POLR1E: variants seen among roughly 807,000 people sequenced by gnomAD.
The protein encoded by POLR1E is DNA-directed RNA polymerase I subunit RPA49.
POLR1E carries 37 observed loss-of-function variants against 50.9 expected under a neutral mutation model. The observed-to-expected ratio is 0.73, with a 90% confidence interval of 0.56 to 0.96. POLR1E has a LOEUF of 0.96. POLR1E is among the 40% of genes least tolerant of loss of function. The pLI is 0.00. For missense variants in POLR1E, 426 were observed against 518.1 expected (o/e 0.82, Z 1.73); for synonymous variants, 166 against 191.6 (o/e 0.87, Z 1.10).
chr9:37,498,288 G>T, intron 9 of POLR1E, 64 bp downstream of exon 9: 2 of 1,478,580 alleles, frequency 1.4e-6, no homozygotes, highest in Non-Finnish European at 1.8e-6. Context: ...GTAATTCTTA[G>T]ATGAGTTCTG....
At chr9:37,486,642 A>AT (rs752849163) in intron 1 of POLR1E, 61 bp from the exon 2 acceptor site, 1 of 1,605,618 alleles carries the variant, frequency 6.2e-7, no homozygotes, top group South Asian at 1.1e-5. Flanking sequence ...CCCACCGTAC[A>AT]TTGTGTGGTA....
rs1456648809 is a variant in POLR1E, at chr9:37,492,673, T to C, written c.360T>C (p.Ser120=). 6.2e-7 allele frequency: 1 copy of C among 1,613,884 alleles called. No homozygotes were observed. Among genetic ancestry groups the C allele is most frequent in the African/African-American group, 1.3e-5 (1 of 74,918 alleles). The change falls in exon 5 of 12, where the codon AGT becomes AGC. Residue 120 remains serine (S), a synonymous_variant. Transcript: ENST00000377798. ...QPLFSDVSVE[S]ELALESQTKT... ...TTTTGATAGATGTATCAGTTGAGAGTGAACTGGCGCTAGAGAGTCAGACCA... is the reference window on the plus strand; with the variant it reads ...TTTTGATAGATGTATCAGTTGAGAGCGAACTGGCGCTAGAGAGTCAGACCA...
chr9:37,486,854 G>A, intron 2 of POLR1E, 48 bp downstream of exon 2: 2 of 1,557,858 alleles, frequency 1.3e-6, no homozygotes, highest in Non-Finnish European at 8.6e-7. Context: ...GGCTCAGAAG[G>A]CCCCTGGGAG....
At position 37,495,112 on chromosome 9, in the gene POLR1E, A is replaced by G. The variant is rs1273072412; in HGVS notation, c.548-57A>G. On this transcript the variant is annotated intron_variant, in intron 6 of 11. Coordinates refer to ENST00000377798, the MANE Select transcript of POLR1E (RefSeq NM_022490.4). ...GTCTGAAGTGCACAGACTGAAAAGAATGTTGGGGAACTGGAAACAAACAGG... is the reference window on the plus strand; with the variant it reads ...GTCTGAAGTGCACAGACTGAAAAGAGTGTTGGGGAACTGGAAACAAACAGG... 6 of 1,404,406 alleles carry G rather than the reference A, an allele frequency of 4.3e-6. No homozygotes were observed. The East Asian group carries it at 1.4e-4, about 32-fold the overall frequency. The allele number at this position is 1,404,406 out of a possible 1,614,324, so 87.0% of individuals were successfully genotyped here.
rs760225628 is a variant in POLR1E at position 37,503,038 on chromosome 9, C to T, written c.1101-5C>T. The T allele has an allele frequency of 1.1e-5, 17 of 1,609,038 alleles. No homozygotes were observed. The highest frequency in any genetic ancestry group is 1.0e-4 in the South Asian group (9 of 90,312). On this transcript the variant is annotated splice_region_variant and splice_polypyrimidine_tract_variant and intron_variant, in intron 11 of 11. Transcript: ENST00000377798. Reference sequence around the variant, plus strand: ...CTCCAGTTCTTCTGTTTATGTCTTCCTTAGGATGATGGAGATAGCCAAAGC... The same window carrying T: ...CTCCAGTTCTTCTGTTTATGTCTTCTTTAGGATGATGGAGATAGCCAAAGC...
chr9:37,487,904 T>C lies in POLR1E; in HGVS notation c.222T>C (p.Phe74=), dbSNP rs16934141. The change falls in exon 3 of 12, where the codon TTT becomes TTC. Residue 74 remains phenylalanine (F), a synonymous_variant. Coordinates refer to ENST00000377798, the MANE Select transcript of POLR1E (RefSeq NM_022490.4). ...GGCTCTCCTATGTGGGAAACAATTT[T>C]GGGACTGGAGCCCTCAAATGCAACA... ...TDRLSYVGNN[F]GTGALKCNTL... 15,201 of 1,614,176 alleles carry C rather than the reference T, an allele frequency of 9.4e-3. 1,157 individuals carry two copies. The African/African-American group carries it at 0.17, about 18-fold the overall frequency.
Position 37,493,701 on chromosome 9 carries a change from C to A in POLR1E, c.545C>A (p.Thr182Asn). The A allele has an allele frequency of 6.5e-7, 1 of 1,536,802 alleles. No homozygotes were observed. The highest frequency in any genetic ancestry group is 8.8e-7 in the Non-Finnish European group (1 of 1,136,102). ...ACTATCATTGATACGAAGGGTGTGA[C>A]TGGTAAGAAGTTGGAACTTGGGCTA... Reference protein sequence around the residue: ...AETIIDTKGVTALVSDAIHND... With the variant: ...AETIIDTKGVNALVSDAIHND... The change falls in exon 6 of 12, where the codon ACT becomes AAT. Residue 182 changes from threonine (T) to asparagine (N), a missense_variant and splice_region_variant. By Grantham distance (65) the Thr-to-Asn change is moderately conservative. Transcript: ENST00000377798.
intron 2 of POLR1E, among the ~76,000 whole-genome samples, chr9:37,487,033 G>T (rs1365646356): frequency 1.3e-5 from 2 of 152,222 alleles, no homozygotes; most frequent in African/African-American, 4.8e-5. Context: ...TCCCTGTGCT[G>T]CAAGCTTCTA....
intron 9 of POLR1E, 41 bp downstream of exon 9, chr9:37,498,265 A>G (rs900879902): frequency 6.3e-7 from 1 of 1,576,412 alleles, no homozygotes; most frequent in African/African-American, 1.4e-5. Context: ...TGTTTCCAGT[A>G]TATTATTTGT....
rs1199214401 is a variant in POLR1E at position 37,500,915 on chromosome 9, A to G, written c.962A>G (p.Asn321Ser). The change falls in exon 10 of 12, where the codon AAT becomes AGT. Residue 321 changes from asparagine (N) to serine (S), a missense_variant. By Grantham distance (46) the Asn-to-Ser change is conservative. Transcript: ENST00000377798. The stretch of plus-strand genomic sequence containing the variant: ...CACTTTACTTGCTTGACCTACAACA[A>G]TGGCAGGTCAGGGGGTGGTTGCTGG... Reference protein sequence around the residue: ...LKHFTCLTYNNGRLRNLISDS... With the variant: ...LKHFTCLTYNSGRLRNLISDS... 1.5e-5 allele frequency: 24 copies of G among 1,612,146 alleles called. No homozygotes were observed. The highest frequency in any genetic ancestry group is 2.0e-5 in the Non-Finnish European group (23 of 1,178,368).
intron 9 of POLR1E, among the ~76,000 whole-genome samples, chr9:37,499,701 G>T (rs1820844865): frequency 6.6e-6 from 1 of 151,764 alleles, no homozygotes; most frequent in Non-Finnish European, 1.5e-5. Context: ...GCTAATTTTT[G>T]TGTTTTTAGT....
At chr9:37,500,198 T>TAAAA (rs1253940841) in intron 9 of POLR1E, among the ~76,000 whole-genome samples, 2 of 130,828 alleles carry the variant, frequency 1.5e-5, no homozygotes, top group Admixed American at 1.6e-4. Context: ...TTGTTTTGTT[T>TAAAA]TTTTGAGATG....
intron 4 of POLR1E, among the ~76,000 whole-genome samples, chr9:37,489,672 C>G (rs1820646385): frequency 6.6e-6 from 1 of 152,036 alleles, no homozygotes; most frequent in Non-Finnish European, 1.5e-5. Flanking sequence ...CTCCCGGGTT[C>G]AAGTGATTCT....
chr9:37,487,584 T>C (rs1820602214), intron 2 of POLR1E, among the ~76,000 whole-genome samples: 1 of 152,180 alleles, frequency 6.6e-6, no homozygotes, highest in African/African-American at 2.4e-5. Flanking sequence ...CCAGGGCCTC[T>C]CTCTCAAGTC....
chr9:37,487,754 TC>T (rs3215845), intron 2 of POLR1E, 108 bp from the exon 3 acceptor site: 53,941 of 1,008,034 alleles, frequency 0.054, 1,839 homozygotes, highest in African/African-American at 0.12. Context: ...CTAGTTCTAA[TC>T]CATTGTGAGT....
At chr9:37,501,357 TG>T (rs1564326418) in intron 10 of POLR1E, among the ~76,000 whole-genome samples, 1 of 152,246 alleles carries the variant, frequency 6.6e-6, no homozygotes, top group East Asian at 1.9e-4. Flanking sequence ...TGAGTGTGCT[TG>T]GAAGAATCAG....
Position 37,489,583 on chromosome 9 carries a change from G to GT in POLR1E, c.343+191dup, listed in dbSNP as rs998592384. On this transcript the variant is annotated intron_variant, in intron 4 of 11. Transcript: ENST00000377798. ...ATATACACACTGTTTTTTGTTTTTT[G>GT]TTTTTTTTGAGATGCAGTCCCACTC... Among the ~76,000 whole-genome samples the GT allele has an allele frequency of 3.6e-4, 54 of 151,158 alleles. No individual in the cohort carries two copies. The East Asian group carries it at 8.9e-3, about 25-fold the overall frequency.
intron 5 of POLR1E, 92 bp downstream of exon 5, chr9:37,492,807 AGG>A: frequency 8.8e-7 from 1 of 1,138,372 alleles, no homozygotes. Context: ...GTTGAACTCA[AGG>A]GTCTCCCTGG....
At chr9:37,489,913 T>C (rs748332166) in intron 4 of POLR1E, among the ~76,000 whole-genome samples, 9 of 152,116 alleles carry the variant, frequency 5.9e-5, no homozygotes, top group Non-Finnish European at 1.2e-4. Context: ...GATAACCTAA[T>C]GTACCAGGCA....
Sources: gnomAD v4.1 joint callset for allele counts (sites outside exome capture counted in the v4.1 genomes callset) on GRCh38, gnomAD v4.1.1 for gene constraint, MANE v1.5 for transcripts, NCBI Gene and HGNC (gene_info 2026-07-23, HGNC 2026-07-21) for gene names.